PCDHA5: variants seen among roughly 807,000 people sequenced by gnomAD.
PCDHA5 encodes protocadherin alpha-5.
In PCDHA5, 43 loss-of-function variants were observed where a neutral mutation model predicts 61.6. The observed-to-expected ratio is 0.70, with a 90% CI of 0.55 to 0.90. The LOEUF (loss-of-function observed/expected upper bound fraction) is 0.90. Ranked by LOEUF, PCDHA5 falls within the 40% of genes least tolerant of loss-of-function variation. The pLI is 0.00. For synonymous variants in PCDHA5, 627 were observed against 543.9 expected (o/e 1.15, Z -2.13); for missense variants, 1,298 against 1,222.7 (o/e 1.06, Z -0.92).
intron 1 of PCDHA5, among the ~76,000 whole-genome samples, chr5:140,973,877 A>G (rs782563295): frequency 6.6e-6 from 1 of 152,234 alleles, no homozygotes; most frequent in Non-Finnish European, 1.5e-5. Context: ...AGGTCAGAAT[A>G]ATGTCAATTT....
intron 1 of PCDHA5, among the ~76,000 whole-genome samples, chr5:140,874,013 A>C (rs2054638776): frequency 6.6e-6 from 1 of 152,248 alleles, no homozygotes; most frequent in Non-Finnish European, 1.5e-5. Flanking sequence ...ACCACTTTTG[A>C]AAATGAAAAA....
At chr5:140,836,901 A>G (rs1554136348) in intron 1 of PCDHA5, 1 of 593,604 alleles carries the variant, frequency 1.7e-6, no homozygotes, top group Non-Finnish European at 2.8e-6. Flanking sequence ...AAGTACGTTT[A>G]ATATACACTT....
At chr5:140,836,045 C>T (rs2150251351) in intron 1 of PCDHA5, 3 of 1,613,202 alleles carry the variant, frequency 1.9e-6, no homozygotes, top group East Asian at 2.2e-5. Context: ...TGCAGGTGTT[C>T]GTGCTGGACG....
rs1342030965 is a variant in PCDHA5 at position 140,955,208 on chromosome 5, C to G, written c.2353-23741C>G. ...GGTGTATATGAAGTCAATCAAGTAG[C>G]ATGATGCCTCCAGCTTTGTTCTTTT... On this transcript the variant is annotated intron_variant, in intron 1 of 3. Transcript: ENST00000529859. 2.6e-5 allele frequency among the ~76,000 whole-genome samples: 4 copies of G among 152,140 alleles called. No individual in the cohort carries two copies. In the East Asian group the frequency reaches 7.7e-4, roughly 29 times the overall value.
chr5:140,946,997 C>A (rs2094069050), intron 1 of PCDHA5, among the ~76,000 whole-genome samples: 1 of 151,382 alleles, frequency 6.6e-6, no homozygotes. Context: ...GTTCTAACTT[C>A]AAAGAAATGA....
intron 1 of PCDHA5, among the ~76,000 whole-genome samples, chr5:140,935,749 A>G (rs1245640487): frequency 6.6e-6 from 1 of 152,172 alleles, no homozygotes; most frequent in African/African-American, 2.4e-5. Flanking sequence ...ATTCCATACA[A>G]TACACATTCT....
chr5:140,828,693 A>G (rs2150157949), intron 1 of PCDHA5: 9 of 1,614,130 alleles, frequency 5.6e-6, no homozygotes, highest in South Asian at 1.1e-5. Flanking sequence ...AAATCCTTGG[A>G]CAGAGAGGAA....
At chr5:140,920,959 T>G (rs2079949518) in intron 1 of PCDHA5, among the ~76,000 whole-genome samples, 1 of 152,072 alleles carries the variant, frequency 6.6e-6, no homozygotes, top group Non-Finnish European at 1.5e-5. Flanking sequence ...ACTACACATG[T>G]AGTACTAGAG....
At chr5:140,870,711 G>T (rs781786878) in intron 1 of PCDHA5, 1 of 1,613,108 alleles carries the variant, frequency 6.2e-7, no homozygotes, top group Non-Finnish European at 8.5e-7. Flanking sequence ...AGGTGAGCGC[G>T]CGCGATGCGG....
intron 1 of PCDHA5, chr5:140,856,554 A>G: frequency 1.3e-6 from 2 of 1,598,244 alleles, no homozygotes; most frequent in Non-Finnish European, 1.7e-6. Context: ...TTGCTTACTT[A>G]CAAACTCAGT....
At chr5:140,974,731 C>T (rs2096638633) in intron 1 of PCDHA5, among the ~76,000 whole-genome samples, 1 of 152,140 alleles carries the variant, frequency 6.6e-6, no homozygotes, top group Non-Finnish European at 1.5e-5. Context: ...GAACTCCTGT[C>T]TCCACCTTGG....
In PCDHA5 at chr5:140,875,833, G is replaced by T. The variant is rs782436615; in HGVS notation, c.2352+51706G>T. The stretch of plus-strand genomic sequence containing the variant: ...GCCGCTGCAGGTTTTCCATGTGGAC[G>T]TGGAGGTGAAGGACATTAACGACAA... On this transcript the variant is annotated intron_variant, in intron 1 of 3. Coordinates refer to ENST00000529859, the MANE Select transcript of PCDHA5 (RefSeq NM_018908.3). 2.3e-5 allele frequency: 37 copies of T among 1,614,100 alleles called. No homozygotes were observed. The Admixed American group carries it at 6.0e-4, about 26-fold the overall frequency.
chr5:140,841,942 G>T (rs2150326049), intron 1 of PCDHA5: 2 of 1,613,920 alleles, frequency 1.2e-6, no homozygotes, highest in Non-Finnish European at 1.7e-6. Flanking sequence ...ACGCTCCTGC[G>T]CACCACTTAT....
intron 1 of PCDHA5, chr5:140,828,626 G>C (rs1292534909): frequency 2.5e-6 from 4 of 1,613,974 alleles, no homozygotes; most frequent in East Asian, 4.5e-5. Flanking sequence ...CGAATACTTC[G>C]GGCTAGATGT....
intron 1 of PCDHA5, among the ~76,000 whole-genome samples, chr5:140,872,788 G>A (rs1419437796): frequency 6.6e-6 from 1 of 152,076 alleles, no homozygotes. Context: ...ATATATGCTA[G>A]TTGGCATTCT....
In PCDHA5 at chr5:140,936,771, C is replaced by A. The variant is rs182480245; in HGVS notation, c.2353-42178C>A. Among the ~76,000 whole-genome samples, 20 of 152,230 alleles carry A rather than the reference C, an allele frequency of 1.3e-4. No individual in the cohort carries two copies. In the East Asian group the frequency reaches 3.5e-3, roughly 26 times the overall value. On this transcript the variant is annotated intron_variant, in intron 1 of 3. Coordinates refer to ENST00000529859, the MANE Select transcript of PCDHA5 (RefSeq NM_018908.3). ...GTATTGATATCTAATTGTGTAAGTT[C>A]TCTCACTTTGTTATTCTGCTTCAAG...
rs199714982 is a variant in PCDHA5, at chr5:140,967,252, G to T, written c.2353-11697G>T. On this transcript the variant is annotated intron_variant, in intron 1 of 3. Coordinates refer to ENST00000529859, the MANE Select transcript of PCDHA5 (RefSeq NM_018908.3). ...AGCTTCAGGTAAGCGAATCGGTGGC[G>T]CCTGGAGCGCGCTTTCACATAGAGA... 6.0e-5 allele frequency: 97 copies of T among 1,613,386 alleles called. 1 individual carries two copies. Among genetic ancestry groups the T allele is most frequent in the Non-Finnish European group, 8.0e-5 (94 of 1,179,870 alleles).
chr5:140,896,090 C>CA (rs2065374359), intron 1 of PCDHA5, among the ~76,000 whole-genome samples: 1 of 152,152 alleles, frequency 6.6e-6, no homozygotes, highest in Non-Finnish European at 1.5e-5. Flanking sequence ...GGATTACAGG[C>CA]GTGAGCCACT....
Position 140,823,575 on chromosome 5 carries a change from G to A in PCDHA5, c.1800G>A (p.Ser600=), listed in dbSNP as rs2150127056. ...AGGTGCGCGCAGTGGACCCTGATTC[G>A]GGCTACAACGCTTGGCTTTCGTATG... The part of the protein sequence containing the change: ...VAKVRAVDPD[S]GYNAWLSYEL... The change falls in exon 1 of 4, where the codon TCG becomes TCA. Residue 600 remains serine (S), a synonymous_variant. Transcript: ENST00000529859. 4 of 1,613,974 alleles carry A rather than the reference G, an allele frequency of 2.5e-6. No homozygotes were observed. The South Asian group carries it at 4.4e-5, about 18-fold the overall frequency.
Sources: allele counts gnomAD v4.1 joint callset (sites outside exome capture counted in the v4.1 genomes callset), GRCh38; gene constraint gnomAD v4.1.1; transcripts MANE v1.5; gene names NCBI Gene and HGNC (gene_info 2026-07-23, HGNC 2026-07-21).